KCNH7: variants seen among roughly 807,000 people sequenced by gnomAD.
KCNH7 encodes the protein potassium voltage-gated channel subfamily H member 7, also known as voltage-gated inwardly rectifying potassium channel KCNH7.
A neutral mutation model predicts 120.8 loss-of-function variants in KCNH7; 49 were observed. The observed-to-expected ratio is 0.41, with a 90% CI of 0.32 to 0.51. KCNH7 has a LOEUF of 0.51. Ranked by LOEUF, KCNH7 falls within the 20% of genes least tolerant of loss-of-function variation. The pLI, the probability that KCNH7 is intolerant of heterozygous loss-of-function variation, is 0.38. For missense variants in KCNH7, 1,097 were observed against 1,446.6 expected, an observed-to-expected ratio of 0.76 and a Z score of 3.92; for synonymous variants, 547 against 516.1, an observed-to-expected ratio of 1.06 and a Z score of -0.81.
intron 2 of KCNH7, among the ~76,000 whole-genome samples, chr2:162,660,263 C>T (rs1216675773): frequency 6.6e-6 from 1 of 152,130 alleles, no homozygotes; most frequent in Non-Finnish European, 1.5e-5. Flanking sequence ...GCATTCAATG[C>T]TACACATTTC....
In KCNH7 at chr2:162,608,284, C is replaced by T. The variant is rs115544545; in HGVS notation, c.308-71204G>A. On this transcript the variant is annotated intron_variant, in intron 2 of 15. Transcript: ENST00000332142. ...TGATAGTATGATTAGCTATCAGCAA[C>T]GTAATTCAGTACTTTTAACTCCAAA... is the stretch of plus-strand genomic sequence containing the variant. 4.6e-3 allele frequency among the ~76,000 whole-genome samples: 704 copies of T among 152,226 alleles called. 7 individuals carry two copies. Among genetic ancestry groups the T allele is most frequent in the African/African-American group, 0.016 (670 of 41,534 alleles).
At chr2:162,836,987 C>T (rs983358703) in intron 1 of KCNH7, among the ~76,000 whole-genome samples, 7 of 152,086 alleles carry the variant, frequency 4.6e-5, no homozygotes, top group African/African-American at 1.7e-4. Context: ...TATTAAGAAA[C>T]CACTCTTAAA....
At chr2:162,576,137 T>C (rs1036857189) in intron 2 of KCNH7, among the ~76,000 whole-genome samples, 2 of 152,092 alleles carry the variant, frequency 1.3e-5, no homozygotes, top group Admixed American at 1.3e-4. Flanking sequence ...ACCAAGTAAC[T>C]TGTATTTATT....
intron 2 of KCNH7, among the ~76,000 whole-genome samples, chr2:162,812,637 AAGCTGAAATAACCTTT>A (rs1335933775): frequency 6.6e-6 from 1 of 152,102 alleles, no homozygotes; most frequent in Non-Finnish European, 1.5e-5. Context: ...TCTTGCAGTG[AAGCTGAAATAACCTTT>A]AGACATTAGG....
intron 2 of KCNH7, among the ~76,000 whole-genome samples, chr2:162,611,081 C>A (rs1411898250): frequency 2.0e-5 from 3 of 152,156 alleles, no homozygotes; most frequent in African/African-American, 7.2e-5. Flanking sequence ...AGTTCTCAGG[C>A]ATGTCATGTG....
At chr2:162,570,044 G>A (rs1693407282) in intron 2 of KCNH7, among the ~76,000 whole-genome samples, 1 of 140,348 alleles carries the variant, frequency 7.1e-6, no homozygotes, top group Admixed American at 7.5e-5. Context: ...TGTCTATTAG[G>A]TCTGCTTGGT....
chr2:162,621,072 A>C lies in KCNH7; in HGVS notation c.308-83992T>G, dbSNP rs181270680. 4.4e-3 allele frequency among the ~76,000 whole-genome samples: 671 copies of C among 151,870 alleles called. 2 individuals carry two copies. The highest frequency in any genetic ancestry group is 0.015 in the African/African-American group (629 of 41,374). Reference sequence around the variant, plus strand: ...ATTACCTTGTCCCATTCTCTCTTTCATTTCACACCTTCTTATGGTGTGTGT... The same window carrying C: ...ATTACCTTGTCCCATTCTCTCTTTCCTTTCACACCTTCTTATGGTGTGTGT... On this transcript the variant is annotated intron_variant, in intron 2 of 15. Transcript: ENST00000332142.
intron 6 of KCNH7, among the ~76,000 whole-genome samples, chr2:162,504,157 T>G (rs535817072): frequency 6.6e-6 from 1 of 152,096 alleles, no homozygotes; most frequent in Non-Finnish European, 1.5e-5. Context: ...AGCCAAACAC[T>G]AAGTGTCCAA....
At chr2:162,736,628 A>G (rs1010687147) in intron 2 of KCNH7, among the ~76,000 whole-genome samples, 1 of 152,200 alleles carries the variant, frequency 6.6e-6, no homozygotes, top group Non-Finnish European at 1.5e-5. Flanking sequence ...ATGCCTTCTA[A>G]TAACAGGGAT....
chr2:162,510,086 G>A (rs766288895), intron 5 of KCNH7, among the ~76,000 whole-genome samples: 1 of 151,568 alleles, frequency 6.6e-6, no homozygotes, highest in Non-Finnish European at 1.5e-5. Flanking sequence ...TCACATATTA[G>A]AGAAGTTGTT....
chr2:162,755,331 G>T (rs1285736672), intron 2 of KCNH7, among the ~76,000 whole-genome samples: 1 of 152,042 alleles, frequency 6.6e-6, no homozygotes, highest in Admixed American at 6.6e-5. Flanking sequence ...AATTAGCCAG[G>T]TTTGGTGGTG....
chr2:162,573,753 T>C (rs548009520), intron 2 of KCNH7, among the ~76,000 whole-genome samples: 1 of 152,186 alleles, frequency 6.6e-6, no homozygotes, highest in East Asian at 1.9e-4. Flanking sequence ...AACATGTTGT[T>C]ATGTTCAATA....
At chr2:162,592,872 C>T (rs1413482430) in intron 2 of KCNH7, among the ~76,000 whole-genome samples, 1 of 152,006 alleles carries the variant, frequency 6.6e-6, no homozygotes, top group East Asian at 1.9e-4. Flanking sequence ...GTTTTGACAT[C>T]CACTAATCTA....
chr2:162,423,539 G>A lies in KCNH7; in HGVS notation c.1955-4C>T, dbSNP rs1687768322. The A allele has an allele frequency of 6.2e-7, 1 of 1,610,406 alleles. No homozygotes were observed. Among genetic ancestry groups the A allele is most frequent in the Non-Finnish European group, 8.5e-7 (1 of 1,177,220 alleles). ...AAAATGCTTGCATACATTAGTGCTG[G>A]ATTGGATAAAAAACAAAGTTATCGG... On this transcript the variant is annotated splice_polypyrimidine_tract_variant and splice_region_variant and intron_variant, in intron 8 of 15. Coordinates refer to ENST00000332142, the MANE Select transcript of KCNH7 (RefSeq NM_033272.4).
At chr2:162,429,414 A>ATTTTTTTTTTTT (rs1402914264) in intron 8 of KCNH7, among the ~76,000 whole-genome samples, 1 of 91,012 alleles carries the variant, frequency 1.1e-5, no homozygotes, top group African/African-American at 9.8e-5. Flanking sequence ...TTACTCACAC[A>ATTTTTTTTTTTT]TTTACCACTT....
At chr2:162,630,518 T>C (rs1007627400) in intron 2 of KCNH7, among the ~76,000 whole-genome samples, 1 of 151,924 alleles carries the variant, frequency 6.6e-6, no homozygotes, top group Non-Finnish European at 1.5e-5. Flanking sequence ...AAAAATGTAA[T>C]GTCATTACAG....
chr2:162,385,061 AC>A lies in KCNH7; in HGVS notation c.2711-123del, dbSNP rs1187728623. The A allele has an allele frequency of 5.6e-5, 37 of 661,390 alleles. 1 individual carries two copies. In the East Asian group the frequency reaches 8.5e-4, roughly 15 times the overall value. 41.0% of individuals were successfully genotyped at this position (661,390 alleles called of 1,614,324 possible). On this transcript the variant is annotated intron_variant, in intron 12 of 15. Coordinates refer to ENST00000332142, the MANE Select transcript of KCNH7 (RefSeq NM_033272.4). ...GCTTTTTCCTATTGAAAATGTAGCT[AC>A]TTGGGTACTCAATTTTTTAAATTCA...
At chr2:162,749,809 A>T (rs1306957270) in intron 2 of KCNH7, among the ~76,000 whole-genome samples, 1 of 152,208 alleles carries the variant, frequency 6.6e-6, no homozygotes, top group Non-Finnish European at 1.5e-5. Flanking sequence ...TGCATAGCAT[A>T]GAAATGATTA....
intron 2 of KCNH7, among the ~76,000 whole-genome samples, chr2:162,612,580 C>A (rs1219023445): frequency 6.6e-6 from 1 of 151,942 alleles, no homozygotes; most frequent in Non-Finnish European, 1.5e-5. Context: ...AAGGAAATGA[C>A]ACATCTTAGG....
Sources: gnomAD v4.1 joint callset for allele counts (sites outside exome capture counted in the v4.1 genomes callset) on GRCh38, gnomAD v4.1.1 for gene constraint, MANE v1.5 for transcripts, NCBI Gene and HGNC (gene_info 2026-07-23, HGNC 2026-07-21) for gene names.